Variants in AKR1C8 observed in about 807,000 individuals in gnomAD.
AKR1C8 encodes the protein aldo-keto reductase family 1 member C8.
chr10:5,161,290 G>A, the AKR1C8 span, among the ~76,000 whole-genome samples: 1 of 152,134 alleles, frequency 6.6e-6, no homozygotes, highest in Non-Finnish European at 1.5e-5. Flanking sequence ...TCATCAGTGT[G>A]TTTAGCCCCA....
chr10:5,129,884 T>C, the AKR1C8 span, among the ~76,000 whole-genome samples: 1 of 151,740 alleles, frequency 6.6e-6, no homozygotes, highest in South Asian at 2.1e-4. Flanking sequence ...TTCAAAAAGA[T>C]AGAGAGAGAC....
chr10:5,169,473 T>C, the AKR1C8 span, among the ~76,000 whole-genome samples: 2 of 44,298 alleles, frequency 4.5e-5, no homozygotes, highest in Non-Finnish European at 6.9e-5. Context: ...TTAATTAAGC[T>C]GGGTAAAAAC....
chr10:5,144,341 T>G, the AKR1C8 span, among the ~76,000 whole-genome samples: 2 of 152,184 alleles, frequency 1.3e-5, no homozygotes, highest in African/African-American at 2.4e-5. Context: ...GGCTTAGGAT[T>G]GACTTGGCGA....
the AKR1C8 span, chr10:5,155,789 TC>T: frequency 2.2e-6 from 1 of 457,726 alleles, no homozygotes; most frequent in Non-Finnish European, 4.5e-6. Context: ...CATTAACCCC[TC>T]CCCAGGGCAG....
chr10:5,151,461 T>A, the AKR1C8 span, among the ~76,000 whole-genome samples: 1 of 151,992 alleles, frequency 6.6e-6, no homozygotes. Context: ...AGCTTGGAGG[T>A]TAGAAGCAGG....
chr10:5,141,123 T>C, the AKR1C8 span, among the ~76,000 whole-genome samples: 1 of 152,280 alleles, frequency 6.6e-6, no homozygotes, highest in Middle Eastern at 3.4e-3. Flanking sequence ...AAATCCTTTG[T>C]TGTCATTGCA....
chr10:5,180,988 A>T, the AKR1C8 span, among the ~76,000 whole-genome samples: 1 of 152,084 alleles, frequency 6.6e-6, no homozygotes, highest in Non-Finnish European at 1.5e-5. Flanking sequence ...AGTGCACTGC[A>T]CCCACTGTCC....
chr10:5,182,940 T>C, the AKR1C8 span, among the ~76,000 whole-genome samples: 1 of 152,052 alleles, frequency 6.6e-6, no homozygotes, highest in Admixed American at 6.6e-5. Flanking sequence ...TACTATTCTT[T>C]ATACAGATAA....
chr10:5,174,978 A>C, the AKR1C8 span, among the ~76,000 whole-genome samples: 3 of 151,932 alleles, frequency 2.0e-5, no homozygotes. Context: ...TTATTTTGTT[A>C]TTATTATATT....
the AKR1C8 span, among the ~76,000 whole-genome samples, chr10:5,130,335 A>T: frequency 6.6e-6 from 1 of 152,014 alleles, no homozygotes; most frequent in Non-Finnish European, 1.5e-5. Context: ...AGAAAAGTTT[A>T]AAACATTCCC....
the AKR1C8 span, among the ~76,000 whole-genome samples, chr10:5,170,158 G>A: frequency 6.6e-6 from 1 of 152,068 alleles, no homozygotes; most frequent in African/African-American, 2.4e-5. Flanking sequence ...GGACTCAGAG[G>A]CAGTGCCTGC....
At chr10:5,140,826 G>C in the AKR1C8 span, among the ~76,000 whole-genome samples, 4 of 131,208 alleles carry the variant, frequency 3.0e-5, no homozygotes, top group Non-Finnish European at 1.7e-5. Context: ...AGAACTTAAA[G>C]TATAATTTAA....
At chr10:5,145,328 A>T in the AKR1C8 span, among the ~76,000 whole-genome samples, 1 of 152,150 alleles carries the variant, frequency 6.6e-6, no homozygotes, top group Admixed American at 6.5e-5. Flanking sequence ...ATGGCAACAA[A>T]AGACAAAATT....
At chr10:5,142,186 G>A in the AKR1C8 span, among the ~76,000 whole-genome samples, 11 of 152,068 alleles carry the variant, frequency 7.2e-5, no homozygotes, top group East Asian at 1.9e-4. Flanking sequence ...CTTCTCTGCC[G>A]CATCCTCACC....
At chr10:5,141,517 T>C in the AKR1C8 span, among the ~76,000 whole-genome samples, 1 of 152,170 alleles carries the variant, frequency 6.6e-6, no homozygotes, top group Non-Finnish European at 1.5e-5. Flanking sequence ...ATCAGAAGAA[T>C]CATTATCTAC....
the AKR1C8 span, among the ~76,000 whole-genome samples, chr10:5,180,127 G>C: frequency 0.54 from 82,332 of 152,022 alleles, 23,196 homozygotes; most frequent in Non-Finnish European, 0.6. Context: ...GGTCTTTGAT[G>C]ATGGTGATGC....
chr10:5,148,337 T>A, the AKR1C8 span, among the ~76,000 whole-genome samples: 3 of 152,134 alleles, frequency 2.0e-5, no homozygotes, highest in Non-Finnish European at 4.4e-5. Flanking sequence ...ATAACACTCA[T>A]GTGCCTCAAA....
At chr10:5,173,457 G>C in the AKR1C8 span, among the ~76,000 whole-genome samples, 82 of 152,094 alleles carry the variant, frequency 5.4e-4, no homozygotes, top group South Asian at 4.2e-4. Flanking sequence ...GGAACCAAAG[G>C]GGGCAGAGGC....
the AKR1C8 span, among the ~76,000 whole-genome samples, chr10:5,147,931 G>A: frequency 6.6e-6 from 1 of 152,154 alleles, no homozygotes; most frequent in Non-Finnish European, 1.5e-5. Flanking sequence ...AGAGACTCTG[G>A]GTGGGGCCTC....
Sources: gnomAD v4.1 joint callset for allele counts (sites outside exome capture counted in the v4.1 genomes callset) on GRCh38, gnomAD v4.1.1 for gene constraint, MANE v1.5 for transcripts, NCBI Gene and HGNC (gene_info 2026-07-23, HGNC 2026-07-21) for gene names.